The following DTX3 variants were observed in gnomAD, a reference collection of about 807,000 sequenced individuals.
The protein encoded by DTX3 is deltex E3 ubiquitin ligase 3.
Under a neutral mutation model 27.4 loss-of-function variants are expected in DTX3, and 10 were observed. The ratio of observed to expected loss-of-function variants is 0.36; its 90% CI spans 0.22 to 0.62. DTX3 has a LOEUF of 0.62. Among genes scored for constraint, DTX3 ranks in the 20% least tolerant of loss-of-function variants. The probability of loss-of-function intolerance (pLI) is 0.68; values close to 1 mark genes in which losing one functional copy is unlikely to be tolerated. For missense variants in DTX3, 319 were observed against 463.8 expected, an observed-to-expected ratio of 0.69 and a Z score of 2.87; for synonymous variants, 171 against 190.7, an observed-to-expected ratio of 0.90 and a Z score of 0.85.
chr12:57,606,807 C>G, intron 4 of DTX3, 58 bp from the exon 5 acceptor site: 1 of 1,546,338 alleles, frequency 6.5e-7, no homozygotes, highest in Non-Finnish European at 8.7e-7. Context: ...AAGTAGGAGG[C>G]ACTGATACTT....
Position 57,606,106 on chromosome 12 carries a change from G to A in DTX3, c.-138-84G>A, listed in dbSNP as rs553733332. 1.6e-4 allele frequency: 29 copies of A among 178,992 alleles called. No individual in the cohort carries two copies. In the Admixed American group the frequency reaches 1.7e-3, roughly 10 times the overall value. 11.1% of individuals were successfully genotyped at this position (178,992 alleles called of 1,614,324 possible). On this transcript the variant is annotated intron_variant, in intron 2 of 6. Coordinates refer to ENST00000337737, the MANE Select transcript of DTX3 (RefSeq NM_178502.4). ...GAATTCTGCAGAGAAGAGAGGAGAT[G>A]GAAGGGGAGTTTTTATTTCTGGGTT...
rs1883931782 is a variant in DTX3 at position 57,609,590 on chromosome 12, C to T, written c.*438C>T. ...GGAGGAGAAATTGGGCTGATGTGAG[C>T]TCCCCGTCACCCGCCATGGAGCCGG... On this transcript the variant is annotated 3_prime_UTR_variant, in exon 7 of 7. Coordinates refer to ENST00000337737, the MANE Select transcript of DTX3 (RefSeq NM_178502.4). The T allele has an allele frequency of 1.0e-5, 2 of 192,100 alleles. No individual in the cohort carries two copies. The highest frequency in any genetic ancestry group is 1.1e-5 in the Non-Finnish European group (1 of 91,216). 11.9% of individuals were successfully genotyped at this position (192,100 alleles called of 1,614,324 possible). A position where few individuals can be genotyped will look rare whatever the true frequency, so the allele number is the denominator to read the frequency against.
chr12:57,606,271 A>T lies in DTX3; in HGVS notation c.-76+19A>T, dbSNP rs543676355. 3.8e-6 allele frequency: 2 copies of T among 532,418 alleles called. No homozygotes were observed. The highest frequency in any genetic ancestry group is 3.3e-5 in the East Asian group (1 of 30,274). The allele number at this position is 532,418 out of a possible 1,614,324, so 33.0% of individuals were successfully genotyped here. A position where few individuals can be genotyped will look rare whatever the true frequency, so the allele number is the denominator to read the frequency against. On this transcript the variant is annotated intron_variant, in intron 3 of 6. Coordinates refer to ENST00000337737, the MANE Select transcript of DTX3 (RefSeq NM_178502.4). ...TTTCCAGGTATCTCCCCCGCAAGGG[A>T]TCCTCAATTTTCACCCTTAAACTGG... is the stretch of plus-strand genomic sequence containing the variant.
rs1883784155 is a variant in DTX3, at chr12:57,607,319, C to A, written c.456C>A (p.Arg152=). The A allele has an allele frequency of 6.3e-7, 1 of 1,599,918 alleles. No individual in the cohort carries two copies. Among genetic ancestry groups the A allele is most frequent in the Non-Finnish European group, 8.5e-7 (1 of 1,173,136 alleles). Residue 152 remains arginine, a synonymous_variant, in exon 5 of 7, where the codon CGC becomes CGA. Coordinates refer to ENST00000337737, the MANE Select transcript of DTX3 (RefSeq NM_178502.4). The surrounding 1 kb of genome is among the most constrained non-coding windows in gnomAD (Gnocchi z 7.7). ...PPPLPPPLPP[R]LREEAEEQES... ...CCCTGCCCCCACCTCTTCCTCCTCG[C>A]CTTCGGGAGGAGGCAGAAGAGCAGG...
intron 6 of DTX3, 57 bp from the exon 7 acceptor site, chr12:57,609,020 G>A: frequency 6.6e-7 from 1 of 1,513,770 alleles, no homozygotes; most frequent in Non-Finnish European, 9.2e-7. Context: ...TGAGCATGGG[G>A]ATAATAGCAA....
In DTX3 at chr12:57,607,575, A is replaced by G; in HGVS notation, c.712A>G (p.Ile238Val). The G allele has an allele frequency of 6.2e-7, 1 of 1,614,132 alleles. No individual in the cohort carries two copies. Among genetic ancestry groups the G allele is most frequent in the Non-Finnish European group, 8.5e-7 (1 of 1,180,014 alleles). Residue 238 changes from isoleucine (I) to valine (V), a missense_variant, in exon 5 of 7, where the codon ATT becomes GTT. Transcript: ENST00000337737. This position sits in a 1 kb window ranked among gnomAD's most constrained non-coding sequence, Gnocchi z 7.7. Reference protein sequence around the residue: ...LLPSYEKYGTIVIQYVFPPGV... With the variant: ...LLPSYEKYGTVVIQYVFPPGV... ...GCCCAGCTATGAGAAGTACGGCACC[A>G]TTGTCATCCAGTACGTCTTCCCGCC...
chr12:57,608,856 G>T lies in DTX3; in HGVS notation c.968+119G>T, dbSNP rs757218743. On this transcript the variant is annotated intron_variant, in intron 6 of 6. Transcript: ENST00000337737. The surrounding 1 kb of genome is among the most constrained non-coding windows in gnomAD (Gnocchi z 6.1). ...AACTGGAGAGAACCACTTCCAAACT[G>T]TTCAGCCATCTCAGTTTCTCCTACA... The T allele has an allele frequency of 1.6e-6, 2 of 1,278,348 alleles. No homozygotes were observed. The highest frequency in any genetic ancestry group is 2.2e-6 in the Non-Finnish European group (2 of 900,468). The allele number at this position is 1,278,348 out of a possible 1,614,324, so 79.2% of individuals were successfully genotyped here. A position where few individuals can be genotyped will look rare whatever the true frequency, so the allele number is the denominator to read the frequency against.
chr12:57,607,664 C>T lies in DTX3; in HGVS notation c.750+51C>T, dbSNP rs1883804568. ...CCCTTTGGCTTTCCCCAAGCTCTGA[C>T]CTAGGAAAACCGGGTGAGGGTGAGT... On this transcript the variant is annotated intron_variant, in intron 5 of 6. Coordinates refer to ENST00000337737, the MANE Select transcript of DTX3 (RefSeq NM_178502.4). This position sits in a 1 kb window ranked among gnomAD's most constrained non-coding sequence, Gnocchi z 7.7. 6.2e-7 allele frequency: 1 copy of T among 1,610,556 alleles called. No homozygotes were observed. Among genetic ancestry groups the T allele is most frequent in the Non-Finnish European group, 8.5e-7 (1 of 1,177,388 alleles).
chr12:57,608,936 C>A lies in DTX3; in HGVS notation c.969-141C>A. On this transcript the variant is annotated intron_variant, in intron 6 of 6. Coordinates refer to ENST00000337737, the MANE Select transcript of DTX3 (RefSeq NM_178502.4). This position sits in a 1 kb window ranked among gnomAD's most constrained non-coding sequence, Gnocchi z 6.1. ...GCCTACAAAAATAAGCAGAACTGGG[C>A]TAAATTATCTTGGATTTGGAGGTGT... is the stretch of plus-strand genomic sequence containing the variant. 9.4e-7 allele frequency: 1 copy of A among 1,067,692 alleles called. No individual in the cohort carries two copies. The highest frequency in any genetic ancestry group is 1.4e-6 in the Non-Finnish European group (1 of 707,054). The allele number at this position is 1,067,692 out of a possible 1,614,324, so 66.1% of individuals were successfully genotyped here.
At chr12:57,606,794 C>A in intron 4 of DTX3, 71 bp from the exon 5 acceptor site, 1 of 1,526,902 alleles carries the variant, frequency 6.5e-7, no homozygotes. Context: ...TGGAAGGAAC[C>A]TGAAGTAGGA....
In DTX3 at chr12:57,606,953, CAA is replaced by C; in HGVS notation, c.92_93del (p.Lys31ArgfsTer25). On this transcript the variant is annotated frameshift_variant, in exon 5 of 7. Transcript: ENST00000337737. LOFTEE classifies it high-confidence loss of function. ...VSKPVWDFLSKETPARLARLR... is the reference protein window; with the variant it reads ...VSKPVWDFLSXETPARLARLR... ...CCAAGCCCGTGTGGGACTTCCTGAG[CAA>C]AGAGACCCCAGCCCGGCTGGCCCGG... The C allele has an allele frequency of 6.2e-7, 1 of 1,614,202 alleles. No homozygotes were observed. Among genetic ancestry groups the C allele is most frequent in the Non-Finnish European group, 8.5e-7 (1 of 1,180,036 alleles).
rs1883806741 is a variant in DTX3, at chr12:57,607,703, G to A, written c.750+90G>A. ...GTGAGGGTGAGTGTGCTTGTTAGAT[G>A]TGAGACAGTCTTGCTGTCTTCCACT... is the stretch of plus-strand genomic sequence containing the variant. On this transcript the variant is annotated intron_variant, in intron 5 of 6. Coordinates refer to ENST00000337737, the MANE Select transcript of DTX3 (RefSeq NM_178502.4). The surrounding 1 kb of genome is among the most constrained non-coding windows in gnomAD (Gnocchi z 7.7). The A allele has an allele frequency of 4.5e-6, 7 of 1,553,512 alleles. No individual in the cohort carries two copies. Among genetic ancestry groups the A allele is most frequent in the African/African-American group, 2.7e-5 (2 of 73,736 alleles).
Position 57,606,864 on chromosome 12 carries a change from G to C in DTX3, c.2-1G>C. On this transcript the variant is annotated splice_acceptor_variant, in intron 4 of 6. Transcript: ENST00000337737. LOFTEE classifies it high-confidence loss of function. ...CTGAGTCCCTTTCACCCTGGGGGCA[G>C]TGTCGTTCGTCCTGTCCAGAATGGC... 1.2e-6 allele frequency: 2 copies of C among 1,603,524 alleles called. No individual in the cohort carries two copies. The highest frequency in any genetic ancestry group is 2.2e-5 in the South Asian group (2 of 89,852).
At position 57,606,953 on chromosome 12, in the gene DTX3, C is replaced by T. The variant is rs940190148; in HGVS notation, c.90C>T (p.Ser30=). ...TVSKPVWDFL[S]KETPARLARL... Reference sequence around the variant, plus strand: ...CCAAGCCCGTGTGGGACTTCCTGAGCAAAGAGACCCCAGCCCGGCTGGCCC... The same window carrying T: ...CCAAGCCCGTGTGGGACTTCCTGAGTAAAGAGACCCCAGCCCGGCTGGCCC... Residue 30 remains serine (S), a synonymous_variant, in exon 5 of 7, where the codon AGC becomes AGT. Coordinates refer to ENST00000337737, the MANE Select transcript of DTX3 (RefSeq NM_178502.4). 1.9e-6 allele frequency: 3 copies of T among 1,614,084 alleles called. No homozygotes were observed. In the African/African-American group the frequency reaches 4.0e-5, roughly 22 times the overall value.
rs1883828642 is a variant in DTX3 at position 57,608,207 on chromosome 12, G to C, written c.751-313G>C. ...TAGATTATTCTGTCTTCACATTTTT[G>C]CTGAGTTGTCTGGAGTGTAGGGACC... On this transcript the variant is annotated intron_variant, in intron 5 of 6. Transcript: ENST00000337737. The surrounding 1 kb of genome is among the most constrained non-coding windows in gnomAD (Gnocchi z 6.1). Among the ~76,000 whole-genome samples the C allele has an allele frequency of 6.6e-6, 1 of 152,200 alleles. No individual in the cohort carries two copies. The highest frequency in any genetic ancestry group is 1.5e-5 in the Non-Finnish European group (1 of 68,030).
At position 57,607,302 on chromosome 12, in the gene DTX3, C is replaced by G. The variant is rs1460554808; in HGVS notation, c.439C>G (p.Pro147Ala). 1.3e-6 allele frequency: 2 copies of G among 1,584,054 alleles called. No homozygotes were observed. The highest frequency in any genetic ancestry group is 2.7e-5 in the African/African-American group (2 of 74,154). The change falls in exon 5 of 7, where the codon CCA becomes GCA. Residue 147 changes from proline to alanine, a missense_variant. This residue lies in a region of DTX3 where 202 missense variants were observed against 205.3 expected (regional missense o/e 0.98). Coordinates refer to ENST00000337737, the MANE Select transcript of DTX3 (RefSeq NM_178502.4). This position sits in a 1 kb window ranked among gnomAD's most constrained non-coding sequence, Gnocchi z 7.7. ...GLPPPPPPLP[P>A]PLPPRLREEA... ...CCCCCCTCCTCCTCCCCCCCTGCCC[C>G]CACCTCTTCCTCCTCGCCTTCGGGA...
rs996021645 is a variant in DTX3 at position 57,607,676 on chromosome 12, G to A, written c.750+63G>A. On this transcript the variant is annotated intron_variant, in intron 5 of 6. Coordinates refer to ENST00000337737, the MANE Select transcript of DTX3 (RefSeq NM_178502.4). The surrounding 1 kb of genome is among the most constrained non-coding windows in gnomAD (Gnocchi z 7.7). ...CCCCAAGCTCTGACCTAGGAAAACC[G>A]GGTGAGGGTGAGTGTGCTTGTTAGA... 2.2e-5 allele frequency: 35 copies of A among 1,598,472 alleles called. No individual in the cohort carries two copies. Among genetic ancestry groups the A allele is most frequent in the South Asian group, 4.4e-5 (4 of 90,394 alleles).
chr12:57,607,113 G>A lies in DTX3; in HGVS notation c.250G>A (p.Gly84Arg), dbSNP rs1413237640. Residue 84 changes from glycine to arginine, a missense_variant, in exon 5 of 7, where the codon GGG (glycine) becomes AGG (arginine). By Grantham distance (125) the Gly-to-Arg change is moderately radical. Around this residue, in one of 2 missense-constraint regions of DTX3, gnomAD observed 202 missense variants for 205.3 expected, o/e 0.98. Coordinates refer to ENST00000337737, the MANE Select transcript of DTX3 (RefSeq NM_178502.4). This position sits in a 1 kb window ranked among gnomAD's most constrained non-coding sequence, Gnocchi z 7.7. Reference sequence around the variant, plus strand: ...CTACCTAGCCCGGAAGGCTCTCAAGGGGCTGCTAAAAGAGGCAGAGAAAGA... The same window carrying A: ...CTACCTAGCCCGGAAGGCTCTCAAGAGGCTGCTAAAAGAGGCAGAGAAAGA... ...GLYLARKALK[G>R]LLKEAEKELK... is the part of the protein sequence containing the mutation. The A allele has an allele frequency of 6.2e-7, 1 of 1,614,092 alleles. No homozygotes were observed. The highest frequency in any genetic ancestry group is 1.3e-5 in the African/African-American group (1 of 74,946).
chr12:57,606,803 G>C (rs1883740817), intron 4 of DTX3, 62 bp from the exon 5 acceptor site: 4 of 1,538,394 alleles, frequency 2.6e-6, no homozygotes, highest in Admixed American at 4.0e-5. Context: ...CCTGAAGTAG[G>C]AGGCACTGAT....
Sources: allele counts gnomAD v4.1 joint callset (sites outside exome capture counted in the v4.1 genomes callset), GRCh38; gene constraint gnomAD v4.1.1; regional missense constraint gnomAD v4.1.1; non-coding constraint Gnocchi (gnomAD v3.1); transcripts MANE v1.5; gene names NCBI Gene and HGNC (gene_info 2026-07-23, HGNC 2026-07-21).